The following ME1 variants were observed in gnomAD, a reference collection of about 807,000 sequenced individuals.
ME1 encodes the protein malic enzyme 1, also known as NADP-dependent malic enzyme.
ME1 carries 74 observed loss-of-function variants against 66.4 expected under a neutral mutation model. That is an observed-to-expected ratio of 1.11 (90% CI 0.92 to 1.35). The LOEUF (loss-of-function observed/expected upper bound fraction) is 1.35, where lower values mean the gene tolerates loss of function less well. ME1 is among the 40% of genes most tolerant of loss of function. The pLI is 0.00. For synonymous variants in ME1, 251 were observed against 235.6 expected (o/e 1.07, Z -0.60); for missense variants, 750 against 694.1 (o/e 1.08, Z -0.90).
At chr6:83,303,224 C>A (rs763185160) in intron 6 of ME1, among the ~76,000 whole-genome samples, 15 of 152,144 alleles carry the variant, frequency 9.9e-5, no homozygotes, top group Admixed American at 1.3e-4. Flanking sequence ...GAGAACTGGT[C>A]TAGTTAACTG....
intron 3 of ME1, among the ~76,000 whole-genome samples, chr6:83,389,428 A>G (rs1479615086): frequency 6.6e-6 from 1 of 152,184 alleles, no homozygotes; most frequent in East Asian, 1.9e-4. Context: ...TTTCTCTAGA[A>G]TTTTACTTAC....
chr6:83,415,063 G>T (rs139898541), intron 1 of ME1, among the ~76,000 whole-genome samples: 1 of 152,092 alleles, frequency 6.6e-6, no homozygotes, highest in African/African-American at 2.4e-5. Context: ...GTTATCATAC[G>T]TACCTTTATA....
At chr6:83,365,233 T>C (rs1435882508) in intron 3 of ME1, among the ~76,000 whole-genome samples, 2 of 152,298 alleles carry the variant, frequency 1.3e-5, no homozygotes, top group East Asian at 3.9e-4. Flanking sequence ...GCTGGGATTA[T>C]AGGCTTCTGC....
intron 1 of ME1, among the ~76,000 whole-genome samples, chr6:83,415,565 G>A (rs1001500281): frequency 6.6e-6 from 1 of 152,070 alleles, no homozygotes; most frequent in Non-Finnish European, 1.5e-5. Flanking sequence ...TCTGTAGTTC[G>A]GTTCTGTGTA....
chr6:83,316,388 A>C (rs988858265), intron 5 of ME1, among the ~76,000 whole-genome samples: 4 of 152,182 alleles, frequency 2.6e-5, no homozygotes, highest in Non-Finnish European at 4.4e-5. Context: ...TCATAACAAA[A>C]GCTCTCAGTA....
intron 5 of ME1, among the ~76,000 whole-genome samples, chr6:83,332,935 T>C (rs962967659): frequency 6.6e-6 from 1 of 152,122 alleles, no homozygotes; most frequent in African/African-American, 2.4e-5. Context: ...AATAAGAATA[T>C]TTTTTAGCCA....
intron 6 of ME1, among the ~76,000 whole-genome samples, chr6:83,255,532 T>C (rs1766749662): frequency 6.6e-6 from 1 of 152,048 alleles, no homozygotes; most frequent in Non-Finnish European, 1.5e-5. Context: ...CCTCTAATTA[T>C]ATTATAGATT....
In ME1 at chr6:83,239,590, T is replaced by A; in HGVS notation, c.861A>T (p.Ile287=). 1 of 1,613,526 alleles carries A rather than the reference T, an allele frequency of 6.2e-7. No homozygotes were observed. The highest frequency in any genetic ancestry group is 8.5e-7 in the Non-Finnish European group (1 of 1,179,540). Residue 287 remains isoleucine (I), a synonymous_variant, in exon 8 of 14, where the codon ATA becomes ATT. Coordinates refer to ENST00000369705, the MANE Select transcript of ME1 (RefSeq NM_002395.6). ...AVAGLLAALR[I]TKNKLSDQTI... ...TTTGATCAGACAGTTTGTTCTTGGT[T>A]ATTCGAAGAGCTGCAAGGAGACCTG...
chr6:83,374,972 A>G (rs1769259294), intron 3 of ME1, among the ~76,000 whole-genome samples: 1 of 152,162 alleles, frequency 6.6e-6, no homozygotes, highest in African/African-American at 2.4e-5. Context: ...TTTTGGTACT[A>G]GCACTATGCT....
At chr6:83,416,737 T>G (rs762930117) in intron 1 of ME1, among the ~76,000 whole-genome samples, 1 of 151,136 alleles carries the variant, frequency 6.6e-6, no homozygotes, top group Non-Finnish European at 1.5e-5. Flanking sequence ...AAAAAAAAAG[T>G]AGAAAAAAAT....
chr6:83,415,229 G>T (rs1217800532), intron 1 of ME1, among the ~76,000 whole-genome samples: 1 of 152,158 alleles, frequency 6.6e-6, no homozygotes, highest in African/African-American at 2.4e-5. Context: ...AGAAGAATCT[G>T]CAGACTATGA....
chr6:83,263,814 AT>A (rs1261787261), intron 6 of ME1, among the ~76,000 whole-genome samples: 25 of 91,740 alleles, frequency 2.7e-4, no homozygotes, highest in African/African-American at 9.8e-4. Context: ...ATAACATAAC[AT>A]AACATAACAT....
At chr6:83,212,138 T>G in intron 13 of ME1, 44 bp from the exon 14 acceptor site, 1 of 1,435,770 alleles carries the variant, frequency 7.0e-7, no homozygotes, top group Non-Finnish European at 9.5e-7. Flanking sequence ...TAAATAGAGG[T>G]AATCATGAGC....
At chr6:83,236,104 C>A (rs765585212) in intron 9 of ME1, among the ~76,000 whole-genome samples, 3 of 151,610 alleles carry the variant, frequency 2.0e-5, no homozygotes, top group African/African-American at 7.3e-5. Flanking sequence ...ATTATGAATC[C>A]TTTACCATGT....
At chr6:83,418,195 T>G (rs1319272265) in intron 1 of ME1, among the ~76,000 whole-genome samples, 1 of 152,222 alleles carries the variant, frequency 6.6e-6, no homozygotes, top group African/African-American at 2.4e-5. Flanking sequence ...CCTAAGAAAC[T>G]GAACCTTTAT....
At chr6:83,349,808 A>G in intron 4 of ME1, among the ~76,000 whole-genome samples, 1 of 152,198 alleles carries the variant, frequency 6.6e-6, no homozygotes, top group East Asian at 1.9e-4. Context: ...AACAATCTTA[A>G]TTCCACTATA....
chr6:83,427,450 T>G (rs1770395616), intron 1 of ME1, among the ~76,000 whole-genome samples: 1 of 152,180 alleles, frequency 6.6e-6, no homozygotes, highest in Admixed American at 6.5e-5. Context: ...AAACCACATT[T>G]CAACTTTTCT....
At chr6:83,421,043 G>A (rs1770256164) in intron 1 of ME1, among the ~76,000 whole-genome samples, 1 of 152,132 alleles carries the variant, frequency 6.6e-6, no homozygotes, top group Non-Finnish European at 1.5e-5. Context: ...CCAAAGCCAA[G>A]AGAGGGAACC....
intron 7 of ME1, among the ~76,000 whole-genome samples, chr6:83,252,092 G>T (rs1051730314): frequency 5.9e-5 from 9 of 152,176 alleles, no homozygotes; most frequent in African/African-American, 1.9e-4. Context: ...AAATGCAAAA[G>T]GTTTAGTGAT....
Sources: allele counts gnomAD v4.1 joint callset (sites outside exome capture counted in the v4.1 genomes callset), GRCh38; gene constraint gnomAD v4.1.1; transcripts MANE v1.5; gene names NCBI Gene and HGNC (gene_info 2026-07-23, HGNC 2026-07-21).